TNRC6A: variants seen among roughly 807,000 people sequenced by gnomAD.
The protein encoded by TNRC6A is trinucleotide repeat containing adaptor 6A.
Under a neutral mutation model 221.2 loss-of-function variants are expected in TNRC6A, and 44 were observed. The ratio of observed to expected loss-of-function variants is 0.20; its 90% confidence interval spans 0.16 to 0.26. The LOEUF (loss-of-function observed/expected upper bound fraction) is 0.26. Among genes scored for constraint, TNRC6A ranks in the 10% least tolerant of loss-of-function variants. TNRC6A has a pLI of 1.00. For synonymous variants in TNRC6A, 847 were observed against 838.5 expected (o/e 1.01, Z -0.18); for missense variants, 2,199 against 2,404.4 (o/e 0.91, Z 1.79).
chr16:24,625,128 T>C (rs1900888882), intron 1 of TNRC6A, among the ~76,000 whole-genome samples: 1 of 152,220 alleles, frequency 6.6e-6, no homozygotes, highest in African/African-American at 2.4e-5. Flanking sequence ...GTCAACACAT[T>C]ATGGCCAGTA....
At chr16:24,769,899 T>G (rs1452966579) in intron 4 of TNRC6A, among the ~76,000 whole-genome samples, 1 of 152,234 alleles carries the variant, frequency 6.6e-6, no homozygotes, top group African/African-American at 2.4e-5. Context: ...TCCTGGATTA[T>G]TCATTCAACC....
At chr16:24,669,348 G>A (rs2055241782) in intron 2 of TNRC6A, among the ~76,000 whole-genome samples, 1 of 152,102 alleles carries the variant, frequency 6.6e-6, no homozygotes, top group Admixed American at 6.6e-5. Flanking sequence ...TATTAGCTGA[G>A]TGTGGCAGCG....
At chr16:24,770,658 C>G (rs1483872881) in intron 4 of TNRC6A, among the ~76,000 whole-genome samples, 1 of 152,112 alleles carries the variant, frequency 6.6e-6, no homozygotes, top group African/African-American at 2.4e-5. Flanking sequence ...CTTATTCTTG[C>G]CTTTACTTCC....
chr16:24,702,378 A>T (rs2056003710), intron 2 of TNRC6A, among the ~76,000 whole-genome samples: 1 of 151,472 alleles, frequency 6.6e-6, no homozygotes, highest in Non-Finnish European at 1.5e-5. Context: ...AGATCTTGCC[A>T]TGTTGCCTAA....
intron 4 of TNRC6A, among the ~76,000 whole-genome samples, chr16:24,767,896 A>G (rs928885294): frequency 6.6e-6 from 1 of 152,238 alleles, no homozygotes; most frequent in Non-Finnish European, 1.5e-5. Flanking sequence ...TGAGTCACAA[A>G]TGGAAGCTGA....
intron 1 of TNRC6A, among the ~76,000 whole-genome samples, chr16:24,627,531 G>A (rs1901085384): frequency 6.6e-6 from 1 of 151,882 alleles, no homozygotes; most frequent in African/African-American, 2.4e-5. Flanking sequence ...TCTGATCTTG[G>A]ATTTCCCGCA....
At chr16:24,777,482 G>A (rs2057750916) in intron 5 of TNRC6A, 124 bp downstream of exon 5, 1 of 876,208 alleles carries the variant, frequency 1.1e-6, no homozygotes, top group African/African-American at 1.7e-5. Flanking sequence ...TAATGTAAGA[G>A]TTCTTTATAG....
At position 24,729,678 on chromosome 16, in the gene TNRC6A, G is replaced by GCGGTGTCGGTGTCGGCGGTGT; in HGVS notation, c.-155_-154insTGTCGGCGGTGTCGGTGTCGG. On this transcript the variant is annotated 5_prime_UTR_variant, in exon 1 of 25. Coordinates refer to ENST00000395799, the MANE Select transcript of TNRC6A (RefSeq NM_014494.4). ...TTCCGGTCTGGGGCCTGCGGCGGCGGCGGTGTCGGCGGCGGCGGCGGCGGC... is the reference window on the plus strand; with the variant it reads ...TTCCGGTCTGGGGCCTGCGGCGGCGGCGGTGTCGGTGTCGGCGGTGTCGGTGTCGGCGGCGGCGGCGGCGGC... 4 of 727,984 alleles carry GCGGTGTCGGTGTCGGCGGTGT rather than the reference G, an allele frequency of 5.5e-6. No individual in the cohort carries two copies. Among genetic ancestry groups the GCGGTGTCGGTGTCGGCGGTGT allele is most frequent in the Middle Eastern group, 4.6e-4 (1 of 2,152 alleles). The allele number at this position is 727,984 out of a possible 1,614,324, so 45.1% of individuals were successfully genotyped here.
Position 24,743,643 on chromosome 16 carries a change from T to C in TNRC6A, c.54-7083T>C, listed in dbSNP as rs191424507. ...CTTTTTATTTTGAGTTAATTTCCGATGTAGAGAAATGCAAGAATAGAACAA... is the reference window on the plus strand; with the variant it reads ...CTTTTTATTTTGAGTTAATTTCCGACGTAGAGAAATGCAAGAATAGAACAA... On this transcript the variant is annotated intron_variant, in intron 2 of 24. Transcript: ENST00000395799. 5.4e-3 allele frequency among the ~76,000 whole-genome samples: 821 copies of C among 152,332 alleles called. 6 individuals are homozygous for C. The highest frequency in any genetic ancestry group is 8.5e-3 in the Non-Finnish European group (579 of 68,030).
intron 2 of TNRC6A, among the ~76,000 whole-genome samples, chr16:24,698,170 A>C (rs1385701039): frequency 2.6e-5 from 4 of 152,096 alleles, no homozygotes; most frequent in African/African-American, 9.7e-5. Context: ...TCTACAAAAA[A>C]AATTAAAAAG....
intron 5 of TNRC6A, among the ~76,000 whole-genome samples, chr16:24,781,063 T>TTC: frequency 6.9e-6 from 1 of 144,622 alleles, no homozygotes; most frequent in East Asian, 2.0e-4. Flanking sequence ...TTTTTTTTTT[T>TTC]TTTTTGGAGG....
At chr16:24,816,501 G>C in intron 19 of TNRC6A, 1 of 221,764 alleles carries the variant, frequency 4.5e-6, no homozygotes, top group South Asian at 7.4e-5. Flanking sequence ...GAAAGACCCT[G>C]TCTCAAACAT....
intron 2 of TNRC6A, among the ~76,000 whole-genome samples, chr16:24,683,121 T>C (rs1032162438): frequency 6.6e-6 from 1 of 152,058 alleles, no homozygotes; most frequent in Non-Finnish European, 1.5e-5. Flanking sequence ...TATCAGATAC[T>C]GGAAGCCCCC....
At chr16:24,754,246 C>G (rs761806238) in intron 3 of TNRC6A, among the ~76,000 whole-genome samples, 43 of 151,950 alleles carry the variant, frequency 2.8e-4, no homozygotes, top group Non-Finnish European at 2.6e-4. Context: ...TAGACACCGA[C>G]GAGCCTTACA....
chr16:24,619,866 G>A (rs1433987647), intron 1 of TNRC6A, among the ~76,000 whole-genome samples: 1 of 152,180 alleles, frequency 6.6e-6, no homozygotes, highest in Non-Finnish European at 1.5e-5. Flanking sequence ...AATAGGCCAG[G>A]TGCCGTGGCT....
rs2058823964 is a variant in TNRC6A, at chr16:24,824,070, A to G, written c.*263A>G. The G allele has an allele frequency of 8.6e-6, 2 of 231,768 alleles. No homozygotes were observed. The highest frequency in any genetic ancestry group is 1.6e-5 in the Non-Finnish European group (2 of 123,854). 14.4% of individuals were successfully genotyped at this position (231,768 alleles called of 1,614,324 possible). On this transcript the variant is annotated 3_prime_UTR_variant, in exon 25 of 25. Coordinates refer to ENST00000395799, the MANE Select transcript of TNRC6A (RefSeq NM_014494.4). ...GTAGAGAATGAGCTCGCTTGTGTCTATTCATCATGTTTAGCCTTTGGATTC... is the reference window on the plus strand; with the variant it reads ...GTAGAGAATGAGCTCGCTTGTGTCTGTTCATCATGTTTAGCCTTTGGATTC...
At chr16:24,698,462 C>T (rs1045488699) in intron 2 of TNRC6A, among the ~76,000 whole-genome samples, 4 of 152,078 alleles carry the variant, frequency 2.6e-5, no homozygotes, top group Admixed American at 6.6e-5. Flanking sequence ...GTGTGTGGTG[C>T]GCTTGGAGAT....
chr16:24,757,406 T>C (rs762093366), intron 3 of TNRC6A, among the ~76,000 whole-genome samples: 4 of 152,266 alleles, frequency 2.6e-5, no homozygotes, highest in Non-Finnish European at 4.4e-5. Flanking sequence ...CCATGGCAGC[T>C]AAGAAAAGCT....
At chr16:24,742,294 C>T (rs150819932) in intron 2 of TNRC6A, among the ~76,000 whole-genome samples, 10 of 152,286 alleles carry the variant, frequency 6.6e-5, no homozygotes, top group African/African-American at 2.2e-4. Flanking sequence ...AGGTTACACA[C>T]GTAGATGGTG....
Sources: allele counts gnomAD v4.1 joint callset (sites outside exome capture counted in the v4.1 genomes callset), GRCh38; gene constraint gnomAD v4.1.1; transcripts MANE v1.5; gene names NCBI Gene and HGNC (gene_info 2026-07-23, HGNC 2026-07-21).